The following SLC30A7 variants were observed in gnomAD, a reference collection of about 807,000 sequenced individuals.
SLC30A7 encodes the protein solute carrier family 30 member 7, also known as zinc transporter 7.
A neutral mutation model predicts 46.0 loss-of-function variants in SLC30A7; 35 were observed. The observed-to-expected ratio is 0.76, with a 90% confidence interval of 0.58 to 1.01. SLC30A7 has a LOEUF of 1.01. SLC30A7 is among the 50% of genes least tolerant of loss of function. The pLI is 0.00. For missense variants in SLC30A7, 464 were observed against 451.1 expected (o/e 1.03, Z -0.26); for synonymous variants, 147 against 157.8 (o/e 0.93, Z 0.51).
intron 8 of SLC30A7, among the ~76,000 whole-genome samples, chr1:100,951,130 C>T (rs1315614526): frequency 6.6e-6 from 1 of 152,100 alleles, no homozygotes; most frequent in African/African-American, 2.4e-5. Flanking sequence ...ATTTTTTCCA[C>T]TTGGCAGATA....
At chr1:100,944,749 T>C (rs947604117) in intron 8 of SLC30A7, among the ~76,000 whole-genome samples, 5 of 150,840 alleles carry the variant, frequency 3.3e-5, no homozygotes, top group African/African-American at 9.7e-5. Context: ...CTATTGTGAA[T>C]AGTGCCACAA....
chr1:100,952,617 G>A (rs1655018035), intron 8 of SLC30A7, among the ~76,000 whole-genome samples: 1 of 152,244 alleles, frequency 6.6e-6, no homozygotes, highest in Admixed American at 6.5e-5. Flanking sequence ...AAAACAAAGA[G>A]ATATAGTTCA....
intron 10 of SLC30A7, among the ~76,000 whole-genome samples, chr1:100,969,714 A>G (rs1656054230): frequency 6.6e-6 from 1 of 152,172 alleles, no homozygotes; most frequent in Non-Finnish European, 1.5e-5. Flanking sequence ...AGTCTACTTT[A>G]TTTCATTCCT....
intron 8 of SLC30A7, among the ~76,000 whole-genome samples, chr1:100,938,355 G>A (rs1654106991): frequency 1.3e-5 from 2 of 152,178 alleles, no homozygotes; most frequent in Admixed American, 1.3e-4. Flanking sequence ...TGTGAAGCCT[G>A]TTGTAAACTA....
the SLC30A7 span, among the ~76,000 whole-genome samples, chr1:100,991,270 T>C: frequency 6.6e-6 from 1 of 152,234 alleles, no homozygotes; most frequent in African/African-American, 2.4e-5. Context: ...TTATTCACTC[T>C]GGTGCTACAG....
Position 100,896,160 on chromosome 1 carries a change from A to T in SLC30A7, c.-103A>T. 3.0e-6 allele frequency: 3 copies of T among 1,011,598 alleles called. No individual in the cohort carries two copies. Among genetic ancestry groups the T allele is most frequent in the Non-Finnish European group, 4.7e-6 (3 of 644,672 alleles). 62.7% of individuals were successfully genotyped at this position (1,011,598 alleles called of 1,614,324 possible). ...TCGCAGCGGCGCGCGGCCCCGGACA[A>T]GCGCTGGGGATTCCCGTTTGAGGCG... is the stretch of plus-strand genomic sequence containing the variant. On this transcript the variant is annotated 5_prime_UTR_variant, in exon 1 of 11. The change creates a new upstream start codon in the 5' untranslated region. Coordinates refer to ENST00000357650, the MANE Select transcript of SLC30A7 (RefSeq NM_133496.5).
At chr1:100,985,137 A>G (rs528211176), downstream of SLC30A7, among the ~76,000 whole-genome samples, 3 of 152,378 alleles carry the variant, frequency 2.0e-5, no homozygotes, top group South Asian at 6.2e-4. Context: ...CAGAGAAAAC[A>G]GACTGAAATA....
At chr1:100,956,597 G>A (rs148224797) in intron 8 of SLC30A7, among the ~76,000 whole-genome samples, 14 of 152,258 alleles carry the variant, frequency 9.2e-5, no homozygotes, top group African/African-American at 3.4e-4. Context: ...ATCTGTTACT[G>A]TGTTTAGCTC....
At chr1:100,942,826 A>G (rs578098208) in intron 8 of SLC30A7, among the ~76,000 whole-genome samples, 99 of 152,344 alleles carry the variant, frequency 6.5e-4, no homozygotes, top group African/African-American at 2.4e-3. Flanking sequence ...TAGTCTGTGT[A>G]TGAAAAAAGT....
At chr1:100,925,373 A>G (rs551376530) in intron 8 of SLC30A7, among the ~76,000 whole-genome samples, 1 of 152,204 alleles carries the variant, frequency 6.6e-6, no homozygotes, top group African/African-American at 2.4e-5. Flanking sequence ...CACAATAAGG[A>G]TATTTGTTTT....
intron 3 of SLC30A7, among the ~76,000 whole-genome samples, chr1:100,910,233 G>A (rs1420428259): frequency 6.6e-6 from 1 of 152,072 alleles, no homozygotes; most frequent in African/African-American, 2.4e-5. Flanking sequence ...AAGGACCAGA[G>A]TGGTTAATTG....
intron 2 of SLC30A7, among the ~76,000 whole-genome samples, chr1:100,898,801 C>T (rs1210894715): frequency 6.6e-6 from 1 of 152,100 alleles, no homozygotes; most frequent in Non-Finnish European, 1.5e-5. Context: ...CTTTTCAGTT[C>T]CTTGATTAAA....
chr1:100,921,494 T>C (rs1652931571), intron 7 of SLC30A7, among the ~76,000 whole-genome samples: 1 of 152,190 alleles, frequency 6.6e-6, no homozygotes, highest in Non-Finnish European at 1.5e-5. Context: ...CAGTCAGATA[T>C]TTCAACCCCT....
intron 2 of SLC30A7, 84 bp downstream of exon 2, chr1:100,896,755 A>C (rs1650985124): frequency 8.6e-7 from 1 of 1,168,434 alleles, no homozygotes; most frequent in Non-Finnish European, 1.3e-6. Flanking sequence ...GTAGCTCCTC[A>C]CTAGGAGGTT....
intron 8 of SLC30A7, among the ~76,000 whole-genome samples, chr1:100,951,332 G>T (rs1052454416): frequency 3.9e-5 from 6 of 152,080 alleles, no homozygotes; most frequent in Non-Finnish European, 7.4e-5. Context: ...AGGGAATCAG[G>T]TTAAAGGAAT....
the SLC30A7 span, chr1:100,992,886 C>T: frequency 5.9e-6 from 3 of 512,490 alleles, no homozygotes; most frequent in Non-Finnish European, 7.0e-6. Context: ...TTTAAGCATA[C>T]ACAAAAGCAT....
Position 100,974,415 on chromosome 1 carries a change from A to G in SLC30A7, c.1084-395A>G, listed in dbSNP as rs553162749. Among the ~76,000 whole-genome samples the G allele has an allele frequency of 2.0e-5, 3 of 152,340 alleles. No individual in the cohort carries two copies. The East Asian group carries it at 5.8e-4, about 29-fold the overall frequency. ...ACTTGGAGTGCAAAATAATTCCAAT[A>G]GATGGTTATACTTGCTAAATTGTTT... On this transcript the variant is annotated intron_variant, in intron 10 of 10. Transcript: ENST00000357650.
At position 100,977,676 on chromosome 1, in the gene SLC30A7, A is replaced by G. The variant is rs1368110339; in HGVS notation, c.*2819A>G. 6.6e-6 allele frequency: 1 copy of G among 152,246 alleles called. No individual in the cohort carries two copies. Among genetic ancestry groups the G allele is most frequent in the African/African-American group, 2.4e-5 (1 of 41,460 alleles). 9.4% of individuals were successfully genotyped at this position (152,246 alleles called of 1,614,324 possible). A position where few individuals can be genotyped will look rare whatever the true frequency, so the allele number is the denominator to read the frequency against. On this transcript the variant is annotated 3_prime_UTR_variant, in exon 11 of 11. Transcript: ENST00000357650. ...TCTGGACAACAAATTTGTATTGCTC[A>G]GGGACAGTTTACCTTGCCTGGTAAA...
At chr1:100,939,618 C>T (rs566688471) in intron 8 of SLC30A7, among the ~76,000 whole-genome samples, 8 of 150,620 alleles carry the variant, frequency 5.3e-5, no homozygotes, top group Non-Finnish European at 8.9e-5. Flanking sequence ...GGGCAGATCA[C>T]GAGGTCAGGA....
Sources: gnomAD v4.1 joint callset for allele counts (sites outside exome capture counted in the v4.1 genomes callset) on GRCh38, gnomAD v4.1.1 for gene constraint, MANE v1.5 for transcripts, NCBI Gene and HGNC (gene_info 2026-07-23, HGNC 2026-07-21) for gene names.